The following FCHSD2 variants were observed in gnomAD, a reference collection of about 807,000 sequenced individuals.
FCHSD2 encodes the protein F-BAR and double SH3 domains protein 2.
FCHSD2 carries 38 observed loss-of-function variants against 108.1 expected under a neutral mutation model. The observed-to-expected ratio is 0.35, with a 90% confidence interval of 0.27 to 0.46. FCHSD2 has a LOEUF of 0.46. Among genes scored for constraint, FCHSD2 ranks in the 20% least tolerant of loss-of-function variants. The pLI is 1.00. For synonymous variants in FCHSD2, 279 were observed against 314.7 expected, an observed-to-expected ratio of 0.89 and a Z score of 1.20; for missense variants, 751 against 897.8, an observed-to-expected ratio of 0.84 and a Z score of 2.09.
At chr11:72,906,302 T>C (rs946518433) in intron 9 of FCHSD2, among the ~76,000 whole-genome samples, 3 of 152,222 alleles carry the variant, frequency 2.0e-5, no homozygotes, top group African/African-American at 7.2e-5. Context: ...TTTGTTTAAG[T>C]CCTTTGTAGA....
intron 3 of FCHSD2, among the ~76,000 whole-genome samples, chr11:73,040,026 G>A (rs1392111759): frequency 6.6e-6 from 1 of 152,164 alleles, no homozygotes; most frequent in East Asian, 1.9e-4. Context: ...CAAAATGGAG[G>A]ACTTACGTTG....
chr11:72,927,415 G>C (rs560012099), intron 8 of FCHSD2, among the ~76,000 whole-genome samples: 1 of 152,288 alleles, frequency 6.6e-6, no homozygotes, highest in South Asian at 2.1e-4. Flanking sequence ...GTCAGTGTAG[G>C]TTCATCAATT....
At chr11:72,944,502 C>A (rs544396200) in intron 8 of FCHSD2, among the ~76,000 whole-genome samples, 75 of 152,258 alleles carry the variant, frequency 4.9e-4, no homozygotes, top group African/African-American at 1.7e-3. Flanking sequence ...GACAGGGATG[C>A]CCTCTCTCAC....
intron 12 of FCHSD2, among the ~76,000 whole-genome samples, chr11:72,878,827 A>G (rs1183186173): frequency 6.6e-6 from 1 of 152,024 alleles, no homozygotes; most frequent in Non-Finnish European, 1.5e-5. Flanking sequence ...AAGACATTAA[A>G]ACTCTGTGGT....
At position 72,843,474 on chromosome 11, in the gene FCHSD2, T is replaced by C; in HGVS notation, c.1502A>G (p.Asp501Gly). The stretch of plus-strand genomic sequence containing the variant: ...CTTTACCCAGTCTTCCATATCTCCA[T>C]CTTCAATCACTTCTAACACCTCATG... ...EEHEVLEVIE[D>G]GDMEDWVKAR... Residue 501 changes from aspartate (D) to glycine (G), a missense_variant, in exon 15 of 20, where the codon GAT becomes GGT. Asp to Gly is a moderately conservative substitution (Grantham distance 94). Coordinates refer to ENST00000409418, the MANE Select transcript of FCHSD2 (RefSeq NM_014824.3). 1 of 1,613,704 alleles carries C rather than the reference T, an allele frequency of 6.2e-7. No homozygotes were observed. The highest frequency in any genetic ancestry group is 2.2e-5 in the East Asian group (1 of 44,890).
chr11:73,129,407 G>T (rs1230401237), intron 2 of FCHSD2, among the ~76,000 whole-genome samples: 4 of 152,178 alleles, frequency 2.6e-5, no homozygotes, highest in Non-Finnish European at 5.9e-5. Flanking sequence ...CCCCCGCATT[G>T]CTCACATTGC....
At chr11:72,867,001 G>A (rs1300316949) in intron 13 of FCHSD2, among the ~76,000 whole-genome samples, 1 of 152,220 alleles carries the variant, frequency 6.6e-6, no homozygotes, top group Admixed American at 6.5e-5. Context: ...TACCAACTAT[G>A]TGTCAGGCAC....
intron 3 of FCHSD2, among the ~76,000 whole-genome samples, chr11:73,074,697 G>C (rs1490347659): frequency 1.3e-5 from 2 of 152,190 alleles, no homozygotes; most frequent in Admixed American, 1.3e-4. Flanking sequence ...TGAGATTACA[G>C]AGATATCTGT....
chr11:73,135,686 C>T (rs1275935374), intron 2 of FCHSD2, among the ~76,000 whole-genome samples: 3 of 152,192 alleles, frequency 2.0e-5, no homozygotes, highest in South Asian at 4.1e-4. Flanking sequence ...CTCCACAAAG[C>T]ATGGAATGTC....
chr11:73,101,462 C>T (rs1021240050), intron 2 of FCHSD2, among the ~76,000 whole-genome samples: 1 of 152,056 alleles, frequency 6.6e-6, no homozygotes, highest in Non-Finnish European at 1.5e-5. Context: ...GTTTTAGAGA[C>T]AGGGTCTCAC....
chr11:72,846,129 G>A (rs1243109315), intron 14 of FCHSD2, among the ~76,000 whole-genome samples: 2 of 151,268 alleles, frequency 1.3e-5, no homozygotes, highest in Admixed American at 6.6e-5. Flanking sequence ...GAGACTGAGC[G>A]CATATGTTTT....
Position 72,849,743 on chromosome 11 carries a change from A to G in FCHSD2, c.1443+12T>C. The stretch of plus-strand genomic sequence containing the variant: ...TCAGAATTTAATAACATTATGTTGG[A>G]GAAATACAAACCTTGTAGGAATAAA... On this transcript the variant is annotated intron_variant, in intron 14 of 19. Transcript: ENST00000409418. 2 of 1,596,286 alleles carry G rather than the reference A, an allele frequency of 1.3e-6. No homozygotes were observed. Among genetic ancestry groups the G allele is most frequent in the South Asian group, 2.2e-5 (2 of 89,960 alleles).
At position 72,927,566 on chromosome 11, in the gene FCHSD2, TA is replaced by T. The variant is rs1285675010; in HGVS notation, c.706-5617del. Among the ~76,000 whole-genome samples the T allele has an allele frequency of 2.0e-5, 3 of 152,128 alleles. No individual in the cohort carries two copies. In the East Asian group the frequency reaches 5.8e-4, roughly 29 times the overall value. On this transcript the variant is annotated intron_variant, in intron 8 of 19. Coordinates refer to ENST00000409418, the MANE Select transcript of FCHSD2 (RefSeq NM_014824.3). ...ACTGCTCTAAACAATAAAGTCTGAT[TA>T]AAAAAACAGTAACACAAATTGTTGG...
intron 2 of FCHSD2, among the ~76,000 whole-genome samples, chr11:73,122,290 G>T (rs1038300855): frequency 6.6e-6 from 1 of 151,936 alleles, no homozygotes; most frequent in Non-Finnish European, 1.5e-5. Flanking sequence ...CCTCTTACAA[G>T]TACAAAAACT....
intron 13 of FCHSD2, among the ~76,000 whole-genome samples, chr11:72,850,253 T>TG (rs1489365600): frequency 6.6e-6 from 1 of 151,764 alleles, no homozygotes; most frequent in Non-Finnish European, 1.5e-5. Context: ...TTAGTAGAGA[T>TG]GGGGTTTCAC....
chr11:72,994,248 G>C (rs1857478867), intron 5 of FCHSD2, among the ~76,000 whole-genome samples: 1 of 152,138 alleles, frequency 6.6e-6, no homozygotes, highest in Non-Finnish European at 1.5e-5. Context: ...CTCTTGTCAG[G>C]TGTGGCCTAT....
intron 2 of FCHSD2, among the ~76,000 whole-genome samples, chr11:73,136,476 A>G (rs1861123252): frequency 6.7e-6 from 1 of 148,682 alleles, no homozygotes; most frequent in African/African-American, 2.5e-5. Flanking sequence ...TGAGCCCGAG[A>G]GGAGAGGTTG....
chr11:73,020,020 A>C (rs1251797636), intron 3 of FCHSD2, among the ~76,000 whole-genome samples: 1 of 152,212 alleles, frequency 6.6e-6, no homozygotes, highest in East Asian at 1.9e-4. Flanking sequence ...AGCATCACTG[A>C]TGCATAATGC....
chr11:72,972,170 G>C (rs1053313822), intron 8 of FCHSD2, among the ~76,000 whole-genome samples: 1 of 152,002 alleles, frequency 6.6e-6, no homozygotes, highest in Non-Finnish European at 1.5e-5. Flanking sequence ...CTCATCTATT[G>C]TTGATTCTCC....
Sources: gnomAD v4.1 joint callset for allele counts (sites outside exome capture counted in the v4.1 genomes callset) on GRCh38, gnomAD v4.1.1 for gene constraint, MANE v1.5 for transcripts, NCBI Gene and HGNC (gene_info 2026-07-23, HGNC 2026-07-21) for gene names.